DAB1: variants seen among roughly 807,000 people sequenced by gnomAD.
DAB1 encodes the protein DAB adaptor protein 1, also known as disabled homolog 1.
Under a neutral mutation model 64.6 loss-of-function variants are expected in DAB1, and 15 were observed. The observed-to-expected ratio is 0.23, with a 90% CI of 0.16 to 0.36. The LOEUF is 0.36. Ranked by LOEUF, DAB1 falls within the 10% of genes least tolerant of loss-of-function variation. The probability of loss-of-function intolerance (pLI) is 1.00; values close to 1 mark genes in which losing one functional copy is unlikely to be tolerated. For synonymous variants in DAB1, 235 were observed against 251.9 expected, an observed-to-expected ratio of 0.93 and a Z score of 0.64; for missense variants, 596 against 706.7, an observed-to-expected ratio of 0.84 and a Z score of 1.78.
intron 5 of DAB1, among the ~76,000 whole-genome samples, chr1:57,922,344 T>C (rs1644819991): frequency 6.6e-6 from 1 of 150,596 alleles, no homozygotes; most frequent in African/African-American, 2.4e-5. Context: ...GAAGGATGTG[T>C]AGAAGAAATG....
chr1:58,260,335 T>G lies in DAB1; in HGVS notation n.309+83017A>C, dbSNP rs577617309. Reference sequence around the variant, plus strand: ...AGGAAGGAGACTAAACTGGCCAGCATAGAGGGGAATCTGGGCCCCTTTCCT... The same window carrying G: ...AGGAAGGAGACTAAACTGGCCAGCAGAGAGGGGAATCTGGGCCCCTTTCCT... On this transcript the variant is annotated intron_variant and non_coding_transcript_variant, in intron 4 of 20. Coordinates refer to the DAB1 transcript ENST00000485760. Among the ~76,000 whole-genome samples the G allele has an allele frequency of 8.8e-4, 134 of 152,254 alleles. 1 individual carries two copies. The highest frequency in any genetic ancestry group is 3.1e-3 in the African/African-American group (128 of 41,548).
chr1:57,059,851 A>G (rs1650201777), intron 9 of DAB1, among the ~76,000 whole-genome samples: 1 of 152,176 alleles, frequency 6.6e-6, no homozygotes, highest in Admixed American at 6.5e-5. Context: ...TCTATACCAC[A>G]GCCTGAGGTT....
chr1:57,000,631 AAGTG>A (rs2101619891), intron 14 of DAB1, among the ~76,000 whole-genome samples: 2 of 152,332 alleles, frequency 1.3e-5, no homozygotes, highest in South Asian at 4.1e-4. Flanking sequence ...TGTGTTCTAC[AAGTG>A]CAGTAGGTGG....
At chr1:57,915,580 ATC>A (rs1644714602) in intron 5 of DAB1, among the ~76,000 whole-genome samples, 1 of 152,176 alleles carries the variant, frequency 6.6e-6, no homozygotes, top group Non-Finnish European at 1.5e-5. Flanking sequence ...CCCCCAGCTC[ATC>A]TTCTTAGGAG....
At chr1:57,104,651 A>G (rs1435678226) in intron 4 of DAB1, among the ~76,000 whole-genome samples, 1 of 152,148 alleles carries the variant, frequency 6.6e-6, no homozygotes, top group Non-Finnish European at 1.5e-5. Context: ...CATCTAGTGT[A>G]CTCACAAGAC....
At chr1:57,098,529 C>T (rs1394525320) in intron 4 of DAB1, among the ~76,000 whole-genome samples, 1 of 152,130 alleles carries the variant, frequency 6.6e-6, no homozygotes, top group Non-Finnish European at 1.5e-5. Flanking sequence ...TTTCTATTGT[C>T]CCTTTGACCT....
Position 58,040,310 on chromosome 1 carries a change from A to G in DAB1, n.387+110201T>C, listed in dbSNP as rs189037625. On this transcript the variant is annotated intron_variant and non_coding_transcript_variant, in intron 5 of 20. Transcript: ENST00000485760. ...CTGTTGAAAGCATGATTAAATCTTA[A>G]TAAGAGTGGAAGGATGTTGTGTTTC... Among the ~76,000 whole-genome samples the G allele has an allele frequency of 9.2e-5, 14 of 152,326 alleles. 1 individual carries two copies. In the East Asian group the frequency reaches 2.7e-3, roughly 29 times the overall value.
intron 1 of DAB1, chr1:57,864,970 T>C (rs890214071): frequency 1.3e-5 from 2 of 152,144 alleles, no homozygotes; most frequent in African/African-American, 2.4e-5. Context: ...CTGTAACAAA[T>C]AAACCTCAGT....
At chr1:58,137,479 CACCCTCCATCTATCT>C (rs113113090) in intron 5 of DAB1, among the ~76,000 whole-genome samples, 2 of 152,136 alleles carry the variant, frequency 1.3e-5, no homozygotes, top group African/African-American at 2.4e-5. Context: ...TTTATCCATT[CACCCTCCATCTATCT>C]ACCCTCCATC....
In DAB1 at chr1:58,260,837, C is replaced by G. The variant is rs138870585; in HGVS notation, n.309+82515G>C. On this transcript the variant is annotated intron_variant and non_coding_transcript_variant, in intron 4 of 20. Coordinates refer to the DAB1 transcript ENST00000485760. ...CCTCTGCCATGCTCTACCTCATACCCTCATCTGTGTTTCTTTATTTGTGAT... is the reference window on the plus strand; with the variant it reads ...CCTCTGCCATGCTCTACCTCATACCGTCATCTGTGTTTCTTTATTTGTGAT... Among the ~76,000 whole-genome samples, 537 of 152,248 alleles carry G rather than the reference C, an allele frequency of 3.5e-3. 3 individuals carry two copies. Among genetic ancestry groups the G allele is most frequent in the African/African-American group, 0.013 (525 of 41,522 alleles).
intron 5 of DAB1, among the ~76,000 whole-genome samples, chr1:57,976,188 T>C (rs1187983): frequency 0.11 from 16,235 of 152,122 alleles, 1,168 homozygotes; most frequent in South Asian, 0.26. Flanking sequence ...TTTCCCTGGA[T>C]TGCACTCTGA....
At chr1:57,896,508 T>C (rs1315077311) in intron 5 of DAB1, among the ~76,000 whole-genome samples, 1 of 152,060 alleles carries the variant, frequency 6.6e-6, no homozygotes, top group Non-Finnish European at 1.5e-5. Flanking sequence ...CAAAAAACAC[T>C]GGACCAAAAT....
At chr1:57,525,744 A>G (rs1644584436) in intron 7 of DAB1, among the ~76,000 whole-genome samples, 1 of 152,126 alleles carries the variant, frequency 6.6e-6, no homozygotes, top group African/African-American at 2.4e-5. Flanking sequence ...TTATTATTAT[A>G]TTATGGAACA....
At chr1:57,769,034 C>T (rs1557470135) in intron 6 of DAB1, among the ~76,000 whole-genome samples, 1 of 152,164 alleles carries the variant, frequency 6.6e-6, no homozygotes, top group Admixed American at 6.5e-5. Context: ...CACCCACCTA[C>T]AGCCCTGTGT....
intron 7 of DAB1, among the ~76,000 whole-genome samples, chr1:57,575,571 C>A (rs1645240570): frequency 6.6e-6 from 1 of 151,996 alleles, no homozygotes; most frequent in Non-Finnish European, 1.5e-5. Context: ...CAGAACAGTT[C>A]AATGAAAATG....
At chr1:57,938,311 T>C (rs764544292) in intron 5 of DAB1, among the ~76,000 whole-genome samples, 2 of 152,176 alleles carry the variant, frequency 1.3e-5, no homozygotes, top group Non-Finnish European at 2.9e-5. Context: ...AGGCAGTGTG[T>C]TGGTAGGATC....
At chr1:57,719,455 T>C (rs1250705195) in intron 6 of DAB1, among the ~76,000 whole-genome samples, 1 of 152,234 alleles carries the variant, frequency 6.6e-6, no homozygotes, top group African/African-American at 2.4e-5. Flanking sequence ...GTGATATTGT[T>C]TGGCTCTGTG....
chr1:57,004,287 C>A (rs551003345), intron 14 of DAB1, among the ~76,000 whole-genome samples: 2 of 152,180 alleles, frequency 1.3e-5, no homozygotes, highest in Non-Finnish European at 2.9e-5. Context: ...TATAACAAGA[C>A]GCTCTTGGAA....
chr1:58,389,936 C>T (rs962619402), intron 3 of DAB1, among the ~76,000 whole-genome samples: 1 of 151,924 alleles, frequency 6.6e-6, no homozygotes, highest in Non-Finnish European at 1.5e-5. Flanking sequence ...AGCTGCCTGC[C>T]GGGCAGCAGC....
Sources: gnomAD v4.1 joint callset for allele counts (sites outside exome capture counted in the v4.1 genomes callset) on GRCh38, gnomAD v4.1.1 for gene constraint, MANE v1.5 for transcripts, NCBI Gene and HGNC (gene_info 2026-07-23, HGNC 2026-07-21) for gene names.